The following OLFM3 variants were observed in gnomAD, a reference collection of about 807,000 sequenced individuals.
OLFM3 encodes olfactomedin 3.
OLFM3 carries 20 observed loss-of-function variants against 48.6 expected under a neutral mutation model. That is an observed-to-expected ratio of 0.41 (90% confidence interval 0.29 to 0.60). The LOEUF (loss-of-function observed/expected upper bound fraction) is 0.60. Among genes scored for constraint, OLFM3 ranks in the 20% least tolerant of loss-of-function variants. OLFM3 has a pLI of 0.28. For missense variants in OLFM3, 437 were observed against 544.3 expected, an observed-to-expected ratio of 0.80 and a Z score of 1.96; for synonymous variants, 222 against 198.1, an observed-to-expected ratio of 1.12 and a Z score of -1.01.
chr1:101,881,755 T>TG (rs765768479), intron 1 of OLFM3, among the ~76,000 whole-genome samples: 8 of 151,800 alleles, frequency 5.3e-5, no homozygotes, highest in Non-Finnish European at 1.2e-4. Flanking sequence ...GTCCAGCCAC[T>TG]GTCATCCTCC....
At chr1:101,972,781 T>C (rs1054692618) in intron 1 of OLFM3, among the ~76,000 whole-genome samples, 2 of 152,218 alleles carry the variant, frequency 1.3e-5, no homozygotes. Context: ...ACCATCCCTA[T>C]GCTCAAAAGC....
At position 101,825,106 on chromosome 1, in the gene OLFM3, A is replaced by G; in HGVS notation, c.512T>C (p.Ile171Thr). Residue 171 changes from isoleucine (I) to threonine (T), a missense_variant, in exon 4 of 6, where the codon ATT (isoleucine) becomes ACT (threonine). Physicochemically the swap from Ile to Thr is moderately conservative, Grantham distance 89. Transcript: ENST00000370103. ...SAVLTGIQEE[I>T]GAYDYEELHQ... Reference sequence around the variant, plus strand: ...TAGTTCCTCGTAGTCATAGGCACCAATTTCCTCCTGAATACCAGTGAGGAC... The same window carrying G: ...TAGTTCCTCGTAGTCATAGGCACCAGTTTCCTCCTGAATACCAGTGAGGAC... The G allele has an allele frequency of 6.2e-7, 1 of 1,614,000 alleles. No homozygotes were observed. Among genetic ancestry groups the G allele is most frequent in the Non-Finnish European group, 8.5e-7 (1 of 1,179,936 alleles).
intron 1 of OLFM3, among the ~76,000 whole-genome samples, chr1:101,918,023 G>A (rs1231373542): frequency 6.6e-6 from 1 of 151,896 alleles, no homozygotes; most frequent in African/African-American, 2.4e-5. Flanking sequence ...CTTCCCTTTG[G>A]GAGTTTCTTT....
At chr1:101,975,633 C>G (rs1052958561) in intron 1 of OLFM3, among the ~76,000 whole-genome samples, 4 of 152,056 alleles carry the variant, frequency 2.6e-5, no homozygotes, top group African/African-American at 9.7e-5. Context: ...TACAAGTGAC[C>G]ACTGTCACAG....
intron 1 of OLFM3, among the ~76,000 whole-genome samples, chr1:101,852,895 A>G (rs901448006): frequency 2.6e-5 from 4 of 152,126 alleles, no homozygotes; most frequent in Non-Finnish European, 4.4e-5. Context: ...ATATATCAAC[A>G]TTCAAGTATT....
intron 1 of OLFM3, among the ~76,000 whole-genome samples, chr1:101,904,579 A>G (rs897343304): frequency 2.0e-5 from 3 of 152,076 alleles, no homozygotes; most frequent in Non-Finnish European, 4.4e-5. Context: ...CAACACATGA[A>G]TAAGTGGTTG....
At chr1:101,986,669 C>T (rs1322981401) in intron 1 of OLFM3, among the ~76,000 whole-genome samples, 1 of 152,122 alleles carries the variant, frequency 6.6e-6, no homozygotes. Flanking sequence ...TTTCTTCTTT[C>T]TCTGCAAAGT....
intron 1 of OLFM3, among the ~76,000 whole-genome samples, chr1:101,936,931 A>G (rs188268238): frequency 3.7e-4 from 56 of 152,210 alleles, no homozygotes; most frequent in African/African-American, 1.3e-3. Context: ...GTGAAACTGG[A>G]CCCCTTCCGT....
chr1:101,904,164 T>C (rs146683568), intron 1 of OLFM3, among the ~76,000 whole-genome samples: 2 of 152,174 alleles, frequency 1.3e-5, no homozygotes, highest in Admixed American at 6.6e-5. Flanking sequence ...TTATATTGAA[T>C]AGCCCACAAT....
chr1:101,808,193 T>C (rs1653872555), intron 4 of OLFM3, among the ~76,000 whole-genome samples: 1 of 151,756 alleles, frequency 6.6e-6, no homozygotes, highest in African/African-American at 2.4e-5. Flanking sequence ...GATGGAGTGA[T>C]ACATGATTTT....
intron 1 of OLFM3, among the ~76,000 whole-genome samples, chr1:101,888,264 A>G (rs1657848378): frequency 6.6e-6 from 1 of 152,198 alleles, no homozygotes; most frequent in Admixed American, 6.5e-5. Context: ...ACAAGGCTAC[A>G]GTATCCAAAA....
At chr1:101,811,341 G>A (rs941746029) in intron 4 of OLFM3, among the ~76,000 whole-genome samples, 1 of 152,046 alleles carries the variant, frequency 6.6e-6, no homozygotes, top group Admixed American at 6.6e-5. Flanking sequence ...TGACAAATGG[G>A]ATCTAATTAA....
At chr1:101,888,654 T>A (rs1170200511) in intron 1 of OLFM3, among the ~76,000 whole-genome samples, 1 of 151,938 alleles carries the variant, frequency 6.6e-6, no homozygotes, top group East Asian at 1.9e-4. Context: ...ACAAACGGGA[T>A]CTAATTAAAC....
At chr1:101,934,171 C>T (rs2101051697) in intron 1 of OLFM3, among the ~76,000 whole-genome samples, 1 of 152,182 alleles carries the variant, frequency 6.6e-6, no homozygotes, top group Middle Eastern at 3.4e-3. Context: ...CATAGAAAGG[C>T]TAGTTGTAAA....
At chr1:101,906,511 A>G (rs574755671) in intron 1 of OLFM3, among the ~76,000 whole-genome samples, 1 of 152,258 alleles carries the variant, frequency 6.6e-6, no homozygotes, top group Admixed American at 6.5e-5. Flanking sequence ...CCATGATTAG[A>G]AAGATAAATG....
chr1:101,857,326 G>A (rs1656466602), intron 1 of OLFM3, among the ~76,000 whole-genome samples: 1 of 151,888 alleles, frequency 6.6e-6, no homozygotes, highest in Non-Finnish European at 1.5e-5. Context: ...CTGAGTTCTT[G>A]GAGAACCTTG....
chr1:101,900,179 G>A (rs1032108812), intron 1 of OLFM3, among the ~76,000 whole-genome samples: 1 of 152,094 alleles, frequency 6.6e-6, no homozygotes, highest in African/African-American at 2.4e-5. Flanking sequence ...TTCTAGAATG[G>A]CAGGAAGTTT....
intron 1 of OLFM3, among the ~76,000 whole-genome samples, chr1:101,880,415 T>G (rs1249060509): frequency 3.9e-5 from 6 of 151,916 alleles, no homozygotes; most frequent in Non-Finnish European, 1.5e-5. Context: ...TGACTGCTGC[T>G]GTAAAGTGCT....
In OLFM3 at chr1:101,804,055, A is replaced by T; in HGVS notation, c.*183T>A. On this transcript the variant is annotated 3_prime_UTR_variant, in exon 6 of 6. Coordinates refer to ENST00000370103, the MANE Select transcript of OLFM3 (RefSeq NM_058170.4). This position sits in a 1 kb window ranked among gnomAD's most constrained non-coding sequence, Gnocchi z 4.5. ...AGGCCTTGTAAATTTAGAAGTTAAG[A>T]TGTGTTTCCAACATGGTAAGTTAGA... The T allele has an allele frequency of 2.1e-6, 1 of 487,392 alleles. No homozygotes were observed. Among genetic ancestry groups the T allele is most frequent in the South Asian group, 3.6e-5 (1 of 27,936 alleles). The allele number at this position is 487,392 out of a possible 1,614,324, so 30.2% of individuals were successfully genotyped here.
Sources: gnomAD v4.1 joint callset for allele counts (sites outside exome capture counted in the v4.1 genomes callset) on GRCh38, gnomAD v4.1.1 for gene constraint, Gnocchi (gnomAD v3.1) non-coding constraint, MANE v1.5 for transcripts, NCBI Gene and HGNC (gene_info 2026-07-23, HGNC 2026-07-21) for gene names.